Variants in CRY1 observed in about 807,000 individuals in gnomAD.
The protein encoded by CRY1 is cryptochrome-1.
A neutral mutation model predicts 76.0 loss-of-function variants in CRY1; 45 were observed. The observed-to-expected ratio is 0.59, with a 90% CI of 0.47 to 0.76. The LOEUF (loss-of-function observed/expected upper bound fraction) is 0.76. Ranked by LOEUF, CRY1 falls within the 30% of genes least tolerant of loss-of-function variation. The pLI is 0.00. For missense variants in CRY1, 587 were observed against 716.4 expected (o/e 0.82, Z 2.06); for synonymous variants, 248 against 244.0 (o/e 1.02, Z -0.15).
In CRY1 at chr12:107,022,090, A is replaced by T; in HGVS notation, c.261T>A (p.Leu87=). 1 of 1,596,698 alleles carries T rather than the reference A, an allele frequency of 6.3e-7. No homozygotes were observed. The highest frequency in any genetic ancestry group is 8.5e-7 in the Non-Finnish European group (1 of 1,170,866). ...RGQPADVFPR[L]FKEWNITKLS... ...CAAATATTTTTCAAATTACCTTGAA[A>T]AGCCTGGGAAACACATCTGCTGGTT... is the stretch of plus-strand genomic sequence containing the variant. Residue 87 remains leucine, a synonymous_variant, in exon 2 of 13, where the codon CTT becomes CTA. Coordinates refer to ENST00000008527, the MANE Select transcript of CRY1 (RefSeq NM_004075.5).
intron 2 of CRY1, among the ~76,000 whole-genome samples, chr12:107,016,962 C>T (rs1187030087): frequency 6.6e-6 from 1 of 152,158 alleles, no homozygotes; most frequent in Admixed American, 6.5e-5. Context: ...TCTACAGCTA[C>T]CCTGGTCCTG....
At chr12:107,004,068 G>A (rs1313573224) in intron 3 of CRY1, among the ~76,000 whole-genome samples, 1 of 152,134 alleles carries the variant, frequency 6.6e-6, no homozygotes, top group Non-Finnish European at 1.5e-5. Context: ...GCCTCCCAAA[G>A]TGCTGGGATT....
Position 107,093,263 on chromosome 12 carries a change from G to A in CRY1, c.-302C>T. The A allele has an allele frequency of 3.1e-6, 1 of 323,734 alleles. No homozygotes were observed. Among genetic ancestry groups the A allele is most frequent in the Non-Finnish European group, 5.7e-6 (1 of 176,576 alleles). The allele number at this position is 323,734 out of a possible 1,614,324, so 20.1% of individuals were successfully genotyped here. ...TAACTTCGAGGGCCTCGGACCTCCG[G>A]AGCCTGAGCAAGTTCCAGGAGCTCG... On this transcript the variant is annotated 5_prime_UTR_variant, in exon 1 of 13. Transcript: ENST00000008527.
intron 1 of CRY1, among the ~76,000 whole-genome samples, chr12:107,053,637 G>A (rs902774970): frequency 1.3e-5 from 2 of 152,272 alleles, no homozygotes; most frequent in South Asian, 4.1e-4. Flanking sequence ...TTTCCAAAAA[G>A]AGAAAATAAA....
chr12:107,026,076 A>G (rs929447971), intron 1 of CRY1, among the ~76,000 whole-genome samples: 1 of 57,334 alleles, frequency 1.7e-5, no homozygotes, highest in African/African-American at 5.9e-5. Context: ...ATTTTACCTC[A>G]TATTATACAT....
chr12:107,040,730 G>C (rs1396433195), intron 1 of CRY1, among the ~76,000 whole-genome samples: 1 of 152,034 alleles, frequency 6.6e-6, no homozygotes, highest in Non-Finnish European at 1.5e-5. Flanking sequence ...AGAGGGAAGA[G>C]TAGATAGGAA....
At chr12:107,050,693 C>A (rs958501704) in intron 1 of CRY1, among the ~76,000 whole-genome samples, 1 of 152,150 alleles carries the variant, frequency 6.6e-6, no homozygotes, top group East Asian at 1.9e-4. Context: ...TCCCTCATAG[C>A]AGCACAAACA....
chr12:107,053,561 G>A (rs565408026), intron 1 of CRY1, among the ~76,000 whole-genome samples: 3 of 152,196 alleles, frequency 2.0e-5, no homozygotes, highest in Admixed American at 2.0e-4. Flanking sequence ...CAGGTGATTT[G>A]CCTGCCTCGG....
intron 10 of CRY1, among the ~76,000 whole-genome samples, 199 bp downstream of exon 10, chr12:106,997,092 AATG>A (rs1274268355): frequency 6.6e-6 from 1 of 152,200 alleles, no homozygotes; most frequent in African/African-American, 2.4e-5. Flanking sequence ...TATTATACGT[AATG>A]ATATTTTCCA....
intron 2 of CRY1, among the ~76,000 whole-genome samples, chr12:107,013,125 A>C (rs1400503061): frequency 6.6e-6 from 1 of 152,220 alleles, no homozygotes; most frequent in Non-Finnish European, 1.5e-5. Context: ...CCAATTTTTA[A>C]AGTTGTACTG....
At chr12:107,042,986 A>C (rs1952815469) in intron 1 of CRY1, 2 of 152,244 alleles carry the variant, frequency 1.3e-5, no homozygotes, top group Admixed American at 1.3e-4. Context: ...GTAGAGAAAA[A>C]GCAAACACTA....
intron 1 of CRY1, among the ~76,000 whole-genome samples, chr12:107,069,531 T>C (rs530688093): frequency 1.3e-3 from 193 of 143,470 alleles, no homozygotes; most frequent in African/African-American, 4.6e-3. Context: ...GTTTGTTATA[T>C]ATATATTATA....
chr12:107,038,623 G>C (rs534926930), intron 1 of CRY1, among the ~76,000 whole-genome samples: 1 of 152,298 alleles, frequency 6.6e-6, no homozygotes, highest in Admixed American at 6.5e-5. Flanking sequence ...ATGGAAAATC[G>C]TAAGAGGGTC....
At chr12:107,066,901 G>T (rs1953118829) in intron 1 of CRY1, among the ~76,000 whole-genome samples, 1 of 152,062 alleles carries the variant, frequency 6.6e-6, no homozygotes, top group African/African-American at 2.4e-5. Context: ...ACATGCTCAA[G>T]TGATCCTCCC....
intron 2 of CRY1, among the ~76,000 whole-genome samples, chr12:107,013,705 A>G (rs1952468838): frequency 6.6e-6 from 1 of 152,214 alleles, no homozygotes; most frequent in Admixed American, 6.5e-5. Flanking sequence ...GTGGCTTCTG[A>G]GCACTGAAAT....
intron 1 of CRY1, among the ~76,000 whole-genome samples, chr12:107,022,485 C>A (rs1476997418): frequency 6.6e-6 from 1 of 151,606 alleles, no homozygotes; most frequent in Non-Finnish European, 1.5e-5. Flanking sequence ...AGTATCAAAG[C>A]AATTAAATTG....
Position 106,991,390 on chromosome 12 carries a change from C to T in CRY1, c.*612G>A, listed in dbSNP as rs996797334. ...TTCATATTTGCATATACTTTAATAA[C>T]AAGTTCATTTTAGTAATAAATGAAC... On this transcript the variant is annotated 3_prime_UTR_variant, in exon 13 of 13. Coordinates refer to ENST00000008527, the MANE Select transcript of CRY1 (RefSeq NM_004075.5). 17 of 152,320 alleles carry T rather than the reference C, an allele frequency of 1.1e-4. No individual in the cohort carries two copies. Among genetic ancestry groups the T allele is most frequent in the African/African-American group, 3.6e-4 (15 of 41,388 alleles). 9.4% of individuals were successfully genotyped at this position (152,320 alleles called of 1,614,324 possible).
At chr12:107,089,172 C>A (rs1225127676) in intron 1 of CRY1, among the ~76,000 whole-genome samples, 1 of 152,072 alleles carries the variant, frequency 6.6e-6, no homozygotes, top group African/African-American at 2.4e-5. Context: ...TTGTTCCCAC[C>A]TTTTGGCTAT....
chr12:107,048,360 G>T (rs865857819), intron 1 of CRY1, among the ~76,000 whole-genome samples: 1 of 152,140 alleles, frequency 6.6e-6, no homozygotes, highest in African/African-American at 2.4e-5. Context: ...GATTACAGGC[G>T]TGCGCTACTG....
Sources: allele counts gnomAD v4.1 joint callset (sites outside exome capture counted in the v4.1 genomes callset), GRCh38; gene constraint gnomAD v4.1.1; transcripts MANE v1.5; gene names NCBI Gene and HGNC (gene_info 2026-07-23, HGNC 2026-07-21).